Variants in PLD5 observed in about 807,000 individuals in gnomAD.
PLD5 encodes the protein phospholipase D family member 5, also known as inactive phospholipase D5.
Under a neutral mutation model 61.1 loss-of-function variants are expected in PLD5, and 36 were observed. The ratio of observed to expected loss-of-function variants is 0.59; its 90% CI spans 0.45 to 0.78. The LOEUF (loss-of-function observed/expected upper bound fraction) is 0.78. Ranked by LOEUF, PLD5 falls within the 30% of genes least tolerant of loss-of-function variation. The pLI, the probability that PLD5 is intolerant of heterozygous loss-of-function variation, is 0.00. For synonymous variants in PLD5, 243 were observed against 242.8 expected (o/e 1.00, Z -0.01); for missense variants, 515 against 644.4 (o/e 0.80, Z 2.17).
intron 5 of PLD5, among the ~76,000 whole-genome samples, chr1:242,205,785 G>C (rs150634152): frequency 3.9e-5 from 6 of 152,336 alleles, no homozygotes; most frequent in African/African-American, 9.6e-5. Context: ...AGCAGGGATG[G>C]CAGATGGACT....
At chr1:242,352,783 C>T (rs993200922) in intron 1 of PLD5, among the ~76,000 whole-genome samples, 4 of 152,188 alleles carry the variant, frequency 2.6e-5, no homozygotes, top group African/African-American at 7.2e-5. Flanking sequence ...ATTGGCATCT[C>T]CCTAATGGTT....
At chr1:242,413,685 G>A (rs915095649) in intron 1 of PLD5, among the ~76,000 whole-genome samples, 3 of 152,168 alleles carry the variant, frequency 2.0e-5, no homozygotes, top group Non-Finnish European at 4.4e-5. Context: ...CAGCATCAGG[G>A]TAGGAAAAGC....
chr1:242,159,426 G>C (rs936510648), intron 5 of PLD5, among the ~76,000 whole-genome samples: 6 of 152,102 alleles, frequency 3.9e-5, no homozygotes, highest in South Asian at 2.1e-4. Flanking sequence ...GCACCTCAAT[G>C]GTGGTCTAGT....
rs867241815 is a variant in PLD5, at chr1:242,244,546, C to A, written c.607+20791G>T. Among the ~76,000 whole-genome samples the A allele has an allele frequency of 4.6e-5, 7 of 152,288 alleles. No individual in the cohort carries two copies. The South Asian group carries it at 1.4e-3, about 32-fold the overall frequency. Reference sequence around the variant, plus strand: ...GGCTTTAAATGAGTGGATACAAATACGTCTCCTGCAGAGGCATGGGTTTAG... The same window carrying A: ...GGCTTTAAATGAGTGGATACAAATAAGTCTCCTGCAGAGGCATGGGTTTAG... On this transcript the variant is annotated intron_variant, in intron 4 of 9. Coordinates refer to ENST00000536534, the MANE Select transcript of PLD5 (RefSeq NM_001372062.1).
intron 2 of PLD5, 37 bp downstream of exon 2, chr1:242,348,069 G>C: frequency 6.2e-7 from 1 of 1,603,432 alleles, no homozygotes; most frequent in Non-Finnish European, 8.5e-7. Context: ...TTTCTTGCCC[G>C]CCCCCTAAAA....
In PLD5 at chr1:242,223,717, T is replaced by C. The variant is rs958570192; in HGVS notation, c.608-3602A>G. ...TTTATGATACATCTGAAAAAATATA[T>C]ATTTTTGTATATGGTTCATGGACTA... On this transcript the variant is annotated intron_variant, in intron 4 of 9. Coordinates refer to ENST00000536534, the MANE Select transcript of PLD5 (RefSeq NM_001372062.1). 3.9e-5 allele frequency among the ~76,000 whole-genome samples: 6 copies of C among 152,208 alleles called. 1 individual carries two copies. The highest frequency in any genetic ancestry group is 8.8e-5 in the Non-Finnish European group (6 of 68,036).
intron 1 of PLD5, among the ~76,000 whole-genome samples, chr1:242,440,250 C>T (rs902636062): frequency 3.9e-5 from 6 of 152,062 alleles, no homozygotes; most frequent in East Asian, 3.9e-4. Flanking sequence ...AGCATGATTT[C>T]GAGTCACCCC....
intron 1 of PLD5, among the ~76,000 whole-genome samples, chr1:242,369,274 G>A (rs1661505195): frequency 6.6e-6 from 1 of 152,140 alleles, no homozygotes; most frequent in Non-Finnish European, 1.5e-5. Flanking sequence ...GGGGAAATAG[G>A]CATTGGGTTA....
intron 2 of PLD5, among the ~76,000 whole-genome samples, chr1:242,326,877 T>C (rs1330320248): frequency 6.6e-6 from 1 of 151,940 alleles, no homozygotes; most frequent in African/African-American, 2.4e-5. Flanking sequence ...TGCCTTTTTT[T>C]TTTTCCGAGA....
chr1:242,270,800 T>C (rs564015247), intron 3 of PLD5, among the ~76,000 whole-genome samples: 1 of 152,340 alleles, frequency 6.6e-6, no homozygotes, highest in South Asian at 2.1e-4. Context: ...CTCCTTTGGT[T>C]GCCCCAGTGG....
At chr1:242,097,900 A>C (rs1660374072) in intron 9 of PLD5, among the ~76,000 whole-genome samples, 1 of 152,134 alleles carries the variant, frequency 6.6e-6, no homozygotes, top group Non-Finnish European at 1.5e-5. Context: ...TAAATCTTTA[A>C]TCCATCTTGA....
chr1:242,449,329 T>C (rs1368035197), intron 1 of PLD5: 1 of 1,536,124 alleles, frequency 6.5e-7, no homozygotes, highest in Non-Finnish European at 8.7e-7. Flanking sequence ...ACACTAGGTC[T>C]GTAGAAAACT....
chr1:242,263,064 G>A (rs1430571966), intron 4 of PLD5, among the ~76,000 whole-genome samples: 2 of 152,082 alleles, frequency 1.3e-5, no homozygotes, highest in African/African-American at 4.8e-5. Context: ...AAAGCATGGG[G>A]AGCAAAAGGA....
intron 5 of PLD5, among the ~76,000 whole-genome samples, chr1:242,169,550 C>T (rs1020858505): frequency 2.0e-5 from 3 of 152,142 alleles, no homozygotes; most frequent in Non-Finnish European, 2.9e-5. Flanking sequence ...TTCCATACCC[C>T]AGTGGTGCCT....
chr1:242,108,534 TG>T lies in PLD5; in HGVS notation c.1071-696del, dbSNP rs1280685155. Among the ~76,000 whole-genome samples, 15 of 152,210 alleles carry T rather than the reference TG, an allele frequency of 9.9e-5. No homozygotes were observed. In the South Asian group the frequency reaches 2.5e-3, roughly 25 times the overall value. On this transcript the variant is annotated intron_variant, in intron 7 of 9. Coordinates refer to ENST00000536534, the MANE Select transcript of PLD5 (RefSeq NM_001372062.1). ...CATTTTCTACCATGACCTGGCCACT[TG>T]GCTTATGATGTGGGGCAGACTCCCA...
chr1:242,167,704 A>G (rs1366446887), intron 5 of PLD5, among the ~76,000 whole-genome samples: 1 of 152,250 alleles, frequency 6.6e-6, no homozygotes, highest in African/African-American at 2.4e-5. Flanking sequence ...AGAAGAGGCA[A>G]TAAGGCACAG....
chr1:242,147,281 C>G (rs551976306), intron 5 of PLD5, among the ~76,000 whole-genome samples: 1 of 152,252 alleles, frequency 6.6e-6, no homozygotes, highest in South Asian at 2.1e-4. Flanking sequence ...CCCTTGGTAT[C>G]CTGCTTCTTT....
At chr1:242,104,029 G>GT (rs1417058536) in intron 8 of PLD5, among the ~76,000 whole-genome samples, 1 of 152,152 alleles carries the variant, frequency 6.6e-6, no homozygotes, top group Non-Finnish European at 1.5e-5. Context: ...GCATGAATGA[G>GT]TTACAAACAT....
intron 4 of PLD5, among the ~76,000 whole-genome samples, chr1:242,250,453 C>T (rs948091806): frequency 1.3e-5 from 2 of 152,080 alleles, no homozygotes; most frequent in African/African-American, 2.4e-5. Context: ...GAGAGGCCTC[C>T]TGGGGAAACC....
Sources: allele counts gnomAD v4.1 joint callset (sites outside exome capture counted in the v4.1 genomes callset), GRCh38; gene constraint gnomAD v4.1.1; transcripts MANE v1.5; gene names NCBI Gene and HGNC (gene_info 2026-07-23, HGNC 2026-07-21).